The following DUSP15 variants were observed in gnomAD, a reference collection of about 807,000 sequenced individuals.
The protein encoded by DUSP15 is dual specificity protein phosphatase 15.
A neutral mutation model predicts 26.3 loss-of-function variants in DUSP15; 23 were observed. The ratio of observed to expected loss-of-function variants is 0.87; its 90% CI spans 0.63 to 1.24. The LOEUF is 1.24. DUSP15 is among the 50% of genes most tolerant of loss of function. The probability of loss-of-function intolerance (pLI) is 0.00; values close to 1 mark genes in which losing one functional copy is unlikely to be tolerated. For missense variants in DUSP15, 364 were observed against 320.6 expected (o/e 1.14, Z -1.03); for synonymous variants, 143 against 135.5 (o/e 1.06, Z -0.39).
chr20:31,853,115 C>A (rs1038774144), intron 6 of DUSP15, among the ~76,000 whole-genome samples: 1 of 152,094 alleles, frequency 6.6e-6, no homozygotes, highest in African/African-American at 2.4e-5. Context: ...CCCTCCCTCC[C>A]CACAACACAT....
exon 10 of DUSP15, chr20:31,848,290 C>CCA (rs2062400174): frequency 8.0e-7 from 1 of 1,255,114 alleles, no homozygotes; most frequent in African/African-American, 1.6e-5. Flanking sequence ...AGGCCGCGAT[C>CCA]CACCTCTGCC....
At chr20:31,848,895 G>C (rs369765466) in exon 9 of DUSP15, 11 of 1,611,564 alleles carry the variant, frequency 6.8e-6, no homozygotes, top group East Asian at 2.2e-5. Context: ...TTTGGGTCCG[G>C]TGACCATCCT....
At chr20:31,848,291 C>T (rs867921349) in exon 10 of DUSP15, 4 of 1,264,450 alleles carry the variant, frequency 3.2e-6, no homozygotes, top group South Asian at 1.5e-5. Context: ...GGCCGCGATC[C>T]ACCTCTGCCG....
At chr20:31,850,633 G>A in exon 7 of DUSP15, 2 of 1,611,956 alleles carry the variant, frequency 1.2e-6, no homozygotes, top group Non-Finnish European at 1.7e-6. Flanking sequence ...AGTCATCGGA[G>A]GGCATTGGGC....
At position 31,870,229 on chromosome 20, in the gene DUSP15, G is replaced by A. The variant is rs541243775; in HGVS notation, c.21+88C>T. The stretch of plus-strand genomic sequence containing the variant: ...GCACGGAGACCGGCGAGAACAGAAG[G>A]TCAGAGGCGGGCGGACCGAGCTGGT... On this transcript the variant is annotated intron_variant, in intron 1 of 6. Coordinates refer to ENST00000339738, the MANE Select transcript of DUSP15 (RefSeq NM_080611.5). This position sits in a 1 kb window ranked among gnomAD's most constrained non-coding sequence, Gnocchi z 6.6. 1.6e-5 allele frequency: 20 copies of A among 1,226,198 alleles called. No homozygotes were observed. The highest frequency in any genetic ancestry group is 3.2e-5 in the East Asian group (1 of 31,122). The allele number at this position is 1,226,198 out of a possible 1,614,324, so 76.0% of individuals were successfully genotyped here.
Position 31,870,370 on chromosome 20 carries a change from A to G in DUSP15, c.-33T>C. 2 of 1,277,018 alleles carry G rather than the reference A, an allele frequency of 1.6e-6. No individual in the cohort carries two copies. Among genetic ancestry groups the G allele is most frequent in the Non-Finnish European group, 2.0e-6 (2 of 1,012,438 alleles). The allele number at this position is 1,277,018 out of a possible 1,614,324, so 79.1% of individuals were successfully genotyped here. A position where few individuals can be genotyped will look rare whatever the true frequency, so the allele number is the denominator to read the frequency against. ...GGGGCGGCGGTCCGGGTGCACCCCC[A>G]GCTCGCCGCCCGGGAAGCGATCCGG... On this transcript the variant is annotated 5_prime_UTR_variant, in exon 1 of 7. Coordinates refer to ENST00000339738, the MANE Select transcript of DUSP15 (RefSeq NM_080611.5). This position sits in a 1 kb window ranked among gnomAD's most constrained non-coding sequence, Gnocchi z 6.6.
At position 31,861,205 on chromosome 20, in the gene DUSP15, A is replaced by C; in HGVS notation, c.*198T>G. ...GACTAAGGCACCAGGTGGCTGCAGCAGGCCGGCCCGGACACAGAGACGCAC... is the reference window on the plus strand; with the variant it reads ...GACTAAGGCACCAGGTGGCTGCAGCCGGCCGGCCCGGACACAGAGACGCAC... On this transcript the variant is annotated 3_prime_UTR_variant, in exon 7 of 7. Coordinates refer to ENST00000339738, the MANE Select transcript of DUSP15 (RefSeq NM_080611.5). 3 of 1,299,714 alleles carry C rather than the reference A, an allele frequency of 2.3e-6. No homozygotes were observed. The highest frequency in any genetic ancestry group is 1.9e-6 in the Non-Finnish European group (2 of 1,027,694). 80.5% of individuals were successfully genotyped at this position (1,299,714 alleles called of 1,614,324 possible). A position where few individuals can be genotyped will look rare whatever the true frequency, so the allele number is the denominator to read the frequency against.
chr20:31,850,130 A>G (rs2062444060), intron 7 of DUSP15, among the ~76,000 whole-genome samples: 2 of 152,158 alleles, frequency 1.3e-5, no homozygotes, highest in South Asian at 4.1e-4. Flanking sequence ...TGAGGGCATG[A>G]CCCTCCCAGC....
chr20:31,869,791 AG>A, intron 1 of DUSP15, 194 bp from the exon 2 acceptor site: 1 of 1,439,982 alleles, frequency 6.9e-7, no homozygotes, highest in East Asian at 2.6e-5. Context: ...AGGGTAGGCT[AG>A]GGGGCCAGTT....
At chr20:31,848,998 T>C in intron 8 of DUSP15, 1 of 1,017,114 alleles carries the variant, frequency 9.8e-7, no homozygotes, top group Non-Finnish European at 1.5e-6. Context: ...TCATTTCCCA[T>C]GCCCAAGTCC....
downstream of DUSP15, among the ~76,000 whole-genome samples, chr20:31,857,489 C>T: frequency 6.6e-6 from 1 of 152,110 alleles, no homozygotes; most frequent in East Asian, 1.9e-4. Flanking sequence ...TACCATAGCT[C>T]CCCATTGCCC....
intron 7 of DUSP15, among the ~76,000 whole-genome samples, chr20:31,850,056 A>G (rs1283294825): frequency 1.3e-5 from 2 of 152,220 alleles, no homozygotes; most frequent in Admixed American, 1.3e-4. Flanking sequence ...AGTAAACAAT[A>G]GCTTCCAGTA....
rs561836474 is a variant in DUSP15, at chr20:31,855,937, TA to T, written c.427-5262del. Among the ~76,000 whole-genome samples the T allele has an allele frequency of 6.6e-3, 998 of 152,160 alleles. 12 individuals carry two copies. Among genetic ancestry groups the T allele is most frequent in the African/African-American group, 0.022 (922 of 41,492 alleles). On this transcript the variant is annotated intron_variant, in intron 6 of 9. Coordinates refer to the DUSP15 transcript ENST00000278979. ...GCATCGGGGGAGGCTCTCTCTTTTT[TA>T]AAAAAAAATTTTTATTTCCATAGGT...
chr20:31,857,937 G>A (rs1036829295), downstream of DUSP15, among the ~76,000 whole-genome samples: 2 of 152,226 alleles, frequency 1.3e-5, no homozygotes, highest in Non-Finnish European at 1.5e-5. Flanking sequence ...CCCTCTGAGA[G>A]GGGCCGGTGG....
intron 2 of DUSP15, among the ~76,000 whole-genome samples, chr20:31,867,631 GTTTTTTTTTTTTTTTTTTTT>G (rs57662463): frequency 1.3e-5 from 1 of 77,652 alleles, no homozygotes; most frequent in Admixed American, 1.9e-4. Context: ...TGCCCACAAT[GTTTTTTTTTTTTTTTTTTTT>G]TTTTTTTTTT....
At chr20:31,861,738 G>GGGCGGGGC in intron 6 of DUSP15, 63 bp from the exon 7 acceptor site, 1 of 1,290,718 alleles carries the variant, frequency 7.7e-7, no homozygotes, top group East Asian at 3.2e-5. Context: ...AAGGCAGCCG[G>GGGCGGGGC]CCCCGCCCCC....
chr20:31,846,442 T>TAG (rs71185371), downstream of DUSP15, among the ~76,000 whole-genome samples: 30,832 of 107,118 alleles, frequency 0.29, 3,535 homozygotes, highest in Middle Eastern at 0.41. Context: ...AAGGAATGAA[T>TAG]AGAGAGAGAG....
At chr20:31,846,478 A>AGAGAGAGGAGAGAGGAGAGAG (rs2062380388), downstream of DUSP15, among the ~76,000 whole-genome samples, 4 of 126,488 alleles carry the variant, frequency 3.2e-5, no homozygotes, top group African/African-American at 1.3e-4. Context: ...GAGAGAGAGG[A>AGAGAGAGGAGAGAGGAGAGAG]GAGAGAGGCA....
intron 8 of DUSP15, chr20:31,849,649 G>A: frequency 1.3e-6 from 2 of 1,523,196 alleles, no homozygotes; most frequent in Admixed American, 2.0e-5. Flanking sequence ...CACGCCCTCC[G>A]GAGCCACCCA....
Sources: allele counts gnomAD v4.1 joint callset (sites outside exome capture counted in the v4.1 genomes callset), GRCh38; gene constraint gnomAD v4.1.1; non-coding constraint Gnocchi (gnomAD v3.1); transcripts MANE v1.5; gene names NCBI Gene and HGNC (gene_info 2026-07-23, HGNC 2026-07-21).